TRPM7: variants seen among roughly 807,000 people sequenced by gnomAD.
The protein encoded by TRPM7 is transient receptor potential cation channel subfamily M member 7, also known as LTRPC ion channel family member 7.
A neutral mutation model predicts 229.7 loss-of-function variants in TRPM7; 134 were observed. The ratio of observed to expected loss-of-function variants is 0.58; its 90% CI spans 0.51 to 0.67. The LOEUF (loss-of-function observed/expected upper bound fraction) is 0.67, where lower values mean the gene tolerates loss of function less well. Among genes scored for constraint, TRPM7 ranks in the 30% least tolerant of loss-of-function variants. TRPM7 has a pLI of 0.00. For missense variants in TRPM7, 1,901 were observed against 2,210.0 expected (o/e 0.86, Z 2.80); for synonymous variants, 699 against 715.2 (o/e 0.98, Z 0.36).
rs1040936700 is a variant in TRPM7 at position 50,613,735 on chromosome 15, A to G, written c.1742T>C (p.Ile581Thr). The change falls in exon 15 of 39, where the codon ATT (isoleucine) becomes ACT (threonine). Residue 581 changes from isoleucine (I) to threonine (T), a missense_variant. Physicochemically the swap from Ile to Thr is moderately conservative, Grantham distance 89 (BLOSUM62 -1). Around this residue, in one of 8 missense-constraint regions of TRPM7, gnomAD observed 794 missense variants for 881.9 expected, o/e 0.90. Coordinates refer to ENST00000646667, the MANE Select transcript of TRPM7 (RefSeq NM_017672.6). The part of the protein sequence containing the change: ...KKEKMRHNHF[I>T]KTAQPYRPKI... ...TGGTCGGTAGGGCTGTGCTGTCTTA[A>G]TGAAATGGTTATGCCTCATTTTTTC... 6.2e-7 allele frequency: 1 copy of G among 1,611,986 alleles called. No individual in the cohort carries two copies. Among genetic ancestry groups the G allele is most frequent in the Non-Finnish European group, 8.5e-7 (1 of 1,179,060 alleles).
chr15:50,563,036 T>G (rs1194832827), intron 38 of TRPM7, among the ~76,000 whole-genome samples: 1 of 152,178 alleles, frequency 6.6e-6, no homozygotes, highest in East Asian at 1.9e-4. Context: ...CAGTGTGGCT[T>G]CTACATAGTG....
chr15:50,647,060 C>T (rs921003146), intron 4 of TRPM7, among the ~76,000 whole-genome samples: 3 of 152,212 alleles, frequency 2.0e-5, no homozygotes, highest in African/African-American at 7.2e-5. Flanking sequence ...AACATATCCC[C>T]ATTCTTAAGT....
rs763794294 is a variant in TRPM7, at chr15:50,613,805, A to G, written c.1672T>C (p.Leu558=). 3.0e-5 allele frequency: 48 copies of G among 1,613,850 alleles called. No individual in the cohort carries two copies. Among genetic ancestry groups the G allele is most frequent in the Non-Finnish European group, 4.0e-5 (47 of 1,179,982 alleles). ...GRNTSSSTPQ[L]RKSHESFGNR... ...CCAAAAGATTCATGACTCTTTCGCA[A>G]CTGAGGAGTGCTGCTGGAGGTATTT... Residue 558 remains leucine, a synonymous_variant, in exon 15 of 39, where the codon TTG becomes CTG. Coordinates refer to ENST00000646667, the MANE Select transcript of TRPM7 (RefSeq NM_017672.6).
At chr15:50,569,859 A>G in intron 38 of TRPM7, 28 bp downstream of exon 38, 2 of 1,488,574 alleles carry the variant, frequency 1.3e-6, no homozygotes, top group Non-Finnish European at 1.9e-6. Flanking sequence ...AACAATTTAT[A>G]TACTATACTG....
At chr15:50,664,264 C>G (rs1325613315) in intron 1 of TRPM7, among the ~76,000 whole-genome samples, 1 of 147,346 alleles carries the variant, frequency 6.8e-6, no homozygotes, top group African/African-American at 2.5e-5. Context: ...GAGCCGAGAT[C>G]GCGCCACTGC....
chr15:50,631,522 TTA>T, intron 9 of TRPM7, 33 bp from the exon 10 acceptor site: 1 of 1,444,884 alleles, frequency 6.9e-7, no homozygotes, highest in Non-Finnish European at 9.6e-7. Flanking sequence ...CATTATGCCT[TTA>T]TATTTTTAAA....
At position 50,619,788 on chromosome 15, in the gene TRPM7, G is replaced by A; in HGVS notation, c.1451C>T (p.Pro484Leu). ...LEELYNTKQGPTNPMLFHLVR... is the reference protein window; with the variant it reads ...LEELYNTKQGLTNPMLFHLVR... ...AAGATGAAACAGCATTGGATTAGTT[G>A]GACCTTGTTTCTTTAGGGAGAAAAA... The change falls in exon 13 of 39, where the codon CCA becomes CTA. Residue 484 changes from proline to leucine, a missense_variant. By Grantham distance (98) the Pro-to-Leu change is moderately conservative. Transcript: ENST00000646667. 6.3e-7 allele frequency: 1 copy of A among 1,599,922 alleles called. No homozygotes were observed. The highest frequency in any genetic ancestry group is 1.2e-5 in the South Asian group (1 of 86,508).
Position 50,592,058 on chromosome 15 carries a change from G to A in TRPM7, c.4177C>T (p.His1393Tyr). Residue 1393 changes from histidine to tyrosine, a missense_variant, in exon 26 of 39, where the codon CAT (histidine) becomes TAT (tyrosine). Coordinates refer to ENST00000646667, the MANE Select transcript of TRPM7 (RefSeq NM_017672.6). ...KLGSSSTSIP[H>Y]LSSPPTKFFV... is the part of the protein sequence containing the mutation. Reference sequence around the variant, plus strand: ...AATTTGGTTGGTGGGGATGACAGATGTGGTATGCTAGTAGATGAACTGCCT... The same window carrying A: ...AATTTGGTTGGTGGGGATGACAGATATGGTATGCTAGTAGATGAACTGCCT... The A allele has an allele frequency of 5.6e-6, 9 of 1,613,522 alleles. No individual in the cohort carries two copies. Among genetic ancestry groups the A allele is most frequent in the South Asian group, 1.1e-5 (1 of 90,786 alleles).
At chr15:50,667,635 A>T (rs1232942501) in intron 1 of TRPM7, among the ~76,000 whole-genome samples, 1 of 152,232 alleles carries the variant, frequency 6.6e-6, no homozygotes, top group East Asian at 1.9e-4. Context: ...TGAACCCAGG[A>T]GGTGGAGGTA....
chr15:50,655,941 G>C (rs1366237403), intron 3 of TRPM7, among the ~76,000 whole-genome samples: 1 of 150,810 alleles, frequency 6.6e-6, no homozygotes, highest in Non-Finnish European at 1.5e-5. Flanking sequence ...TGTGAGCTGA[G>C]ATCGCACCAC....
chr15:50,682,439 G>A (rs779909363), intron 1 of TRPM7, among the ~76,000 whole-genome samples: 18 of 151,750 alleles, frequency 1.2e-4, no homozygotes, highest in African/African-American at 2.9e-4. Context: ...TTAGATGGGC[G>A]TTGTGGTGTG....
rs539803278 is a variant in TRPM7 at position 50,568,078 on chromosome 15, CAA to C, written c.5467+1807_5467+1808del. On this transcript the variant is annotated intron_variant, in intron 38 of 38. Coordinates refer to ENST00000646667, the MANE Select transcript of TRPM7 (RefSeq NM_017672.6). ...TGGGCAACAGAGCGAGACTCCGTCTCAAAAAAAAAAAAAAAAGAGCGAGACTC... is the reference window on the plus strand; with the variant it reads ...TGGGCAACAGAGCGAGACTCCGTCTCAAAAAAAAAAAAAAGAGCGAGACTC... Among the ~76,000 whole-genome samples the C allele has an allele frequency of 6.2e-3, 381 of 61,110 alleles. 3 individuals are homozygous for C. Among genetic ancestry groups the C allele is most frequent in the African/African-American group, 0.027 (342 of 12,678 alleles). The allele number at this position is 61,110 out of a possible 152,430, so 40.1% of individuals were successfully genotyped here. A position where few individuals can be genotyped will look rare whatever the true frequency, so the allele number is the denominator to read the frequency against.
Position 50,596,475 on chromosome 15 carries a change from C to T in TRPM7, c.3164-94G>A, listed in dbSNP as rs1479097092. On this transcript the variant is annotated intron_variant, in intron 22 of 38. Coordinates refer to ENST00000646667, the MANE Select transcript of TRPM7 (RefSeq NM_017672.6). ...ATGAGTGTTTCTGGTTATTTATTTACTTAAAGTAAGTTTCGATTATGTACA... is the reference window on the plus strand; with the variant it reads ...ATGAGTGTTTCTGGTTATTTATTTATTTAAAGTAAGTTTCGATTATGTACA... 9 of 1,034,914 alleles carry T rather than the reference C, an allele frequency of 8.7e-6. No individual in the cohort carries two copies. In the East Asian group the frequency reaches 2.7e-4, roughly 32 times the overall value. The allele number at this position is 1,034,914 out of a possible 1,614,324, so 64.1% of individuals were successfully genotyped here.
intron 36 of TRPM7, among the ~76,000 whole-genome samples, chr15:50,573,788 T>C (rs555292092): frequency 6.6e-6 from 1 of 152,146 alleles, no homozygotes; most frequent in Admixed American, 6.5e-5. Context: ...AGGCCGGGTG[T>C]GGTGGCTCAC....
At position 50,602,299 on chromosome 15, in the gene TRPM7, C is replaced by T. The variant is rs541283743; in HGVS notation, c.2988+2567G>A. Among the ~76,000 whole-genome samples the T allele has an allele frequency of 3.3e-5, 5 of 152,112 alleles. No homozygotes were observed. In the East Asian group the frequency reaches 5.8e-4, roughly 18 times the overall value. Reference sequence around the variant, plus strand: ...ATTGCAAGGACAGAAAACCAAACACCGCATGTTCTCACTCACAGGTGGGAA... The same window carrying T: ...ATTGCAAGGACAGAAAACCAAACACTGCATGTTCTCACTCACAGGTGGGAA... On this transcript the variant is annotated intron_variant, in intron 21 of 38. Coordinates refer to ENST00000646667, the MANE Select transcript of TRPM7 (RefSeq NM_017672.6).
chr15:50,667,752 G>A (rs1460830212), intron 1 of TRPM7, among the ~76,000 whole-genome samples: 1 of 152,096 alleles, frequency 6.6e-6, no homozygotes, highest in Non-Finnish European at 1.5e-5. Flanking sequence ...AATAAAATTG[G>A]ATCAATTTGT....
intron 1 of TRPM7, among the ~76,000 whole-genome samples, chr15:50,679,407 T>A (rs2062177702): frequency 6.8e-6 from 1 of 148,012 alleles, no homozygotes; most frequent in African/African-American, 2.5e-5. Flanking sequence ...CCATTATCTA[T>A]CAGTGAGCAG....
intron 16 of TRPM7, among the ~76,000 whole-genome samples, chr15:50,611,910 CTTTTATGAACTATGTCG>C (rs1292924417): frequency 1.3e-5 from 2 of 152,174 alleles, no homozygotes; most frequent in African/African-American, 2.4e-5. Flanking sequence ...AAATTGTAAA[CTTTTATGAACTATGTCG>C]TTACTCTGTG....
chr15:50,574,982 T>C lies in TRPM7; in HGVS notation c.4889A>G (p.Gln1630Arg). 6.2e-7 allele frequency: 1 copy of C among 1,614,160 alleles called. No homozygotes were observed. Residue 1630 changes from glutamine to arginine, a missense_variant, in exon 34 of 39, where the codon CAG (glutamine) becomes CGG (arginine). By Grantham distance (43) the Gln-to-Arg change is conservative. Coordinates refer to ENST00000646667, the MANE Select transcript of TRPM7 (RefSeq NM_017672.6). ...GATATCATGTTCTGACCAGGTACAC[T>C]GTACTTTGACAGCTCTTCGTAAACC... ...GGGLRRAVKV[Q>R]CTWSEHDILK... is the part of the protein sequence containing the mutation.
Sources: gnomAD v4.1 joint callset for allele counts (sites outside exome capture counted in the v4.1 genomes callset) on GRCh38, gnomAD v4.1.1 for gene constraint, gnomAD v4.1.1 regional missense constraint, MANE v1.5 for transcripts, NCBI Gene and HGNC (gene_info 2026-07-23, HGNC 2026-07-21) for gene names.